Variants in SNRPD1 observed in about 807,000 individuals in gnomAD.
SNRPD1 encodes the protein small nuclear ribonucleoprotein D1 polypeptide, also known as small nuclear ribonucleoprotein Sm D1.
In SNRPD1, 1 loss-of-function variant was observed where a neutral mutation model predicts 14.4. The observed-to-expected ratio is 0.07, with a 90% CI of 0.02 to 0.33. SNRPD1 has a LOEUF of 0.33. Among genes scored for constraint, SNRPD1 ranks in the 10% least tolerant of loss-of-function variants. The pLI, the probability that SNRPD1 is intolerant of heterozygous loss-of-function variation, is 1.00. For missense variants in SNRPD1, 52 were observed against 146.4 expected (o/e 0.36, Z 3.33); for synonymous variants, 42 against 50.3 (o/e 0.83, Z 0.70).
chr18:21,626,520 G>A (rs2039040477), intron 3 of SNRPD1, among the ~76,000 whole-genome samples: 2 of 152,030 alleles, frequency 1.3e-5, no homozygotes, highest in African/African-American at 4.8e-5. Context: ...GCCAGGTGTG[G>A]TGGCTCACGC....
chr18:21,622,895 T>G, intron 2 of SNRPD1, 94 bp downstream of exon 2: 1 of 598,356 alleles, frequency 1.7e-6, no homozygotes, highest in Non-Finnish European at 3.0e-6. Flanking sequence ...ATTATTGTAG[T>G]ACAAATCCTT....
rs2039096701 is a variant in SNRPD1, at chr18:21,633,012, G to A, written c.*3874G>A. 2 of 151,922 alleles carry A rather than the reference G, an allele frequency of 1.3e-5. No homozygotes were observed. Among genetic ancestry groups the A allele is most frequent in the African/African-American group, 4.8e-5 (2 of 41,350 alleles). The allele number at this position is 151,922 out of a possible 1,614,324, so 9.4% of individuals were successfully genotyped here. A position where few individuals can be genotyped will look rare whatever the true frequency, so the allele number is the denominator to read the frequency against. ...ACTACAGGTGCCCACCACTATGCCC[G>A]GCTAATGTTTTGTACTTTTAGTAGA... On this transcript the variant is annotated 3_prime_UTR_variant, in exon 4 of 4. Transcript: ENST00000300413.
chr18:21,616,652 G>A (rs901616989), intron 1 of SNRPD1, among the ~76,000 whole-genome samples: 24 of 146,420 alleles, frequency 1.6e-4, no homozygotes, highest in African/African-American at 5.6e-4. Context: ...CACCATGCCT[G>A]ACTGATCGAT....
chr18:21,628,276 A>C (rs1005571936), intron 3 of SNRPD1, among the ~76,000 whole-genome samples: 3 of 152,148 alleles, frequency 2.0e-5, no homozygotes, highest in African/African-American at 7.2e-5. Context: ...GCTACTCAGG[A>C]GGCTTAGATG....
chr18:21,622,603 T>TGATAGGAATTGATGCA (rs1297760958), intron 1 of SNRPD1, 122 bp from the exon 2 acceptor site: 3 of 602,066 alleles, frequency 5.0e-6, no homozygotes, highest in Non-Finnish European at 9.1e-6. Flanking sequence ...TGCAGATTAT[T>TGATAGGAATTGATGCA]GATAGGAATT....
intron 1 of SNRPD1, among the ~76,000 whole-genome samples, chr18:21,621,839 AG>A (rs2039000544): frequency 6.6e-6 from 1 of 152,152 alleles, no homozygotes; most frequent in Non-Finnish European, 1.5e-5. Flanking sequence ...GGCCTCCCAA[AG>A]TGCTGGGATT....
rs972236297 is a variant in SNRPD1, at chr18:21,631,996, G to A, written c.*2858G>A. 13 of 152,170 alleles carry A rather than the reference G, an allele frequency of 8.5e-5. No homozygotes were observed. Among genetic ancestry groups the A allele is most frequent in the African/African-American group, 2.7e-4 (11 of 41,418 alleles). The allele number at this position is 152,170 out of a possible 1,614,324, so 9.4% of individuals were successfully genotyped here. A position where few individuals can be genotyped will look rare whatever the true frequency, so the allele number is the denominator to read the frequency against. On this transcript the variant is annotated 3_prime_UTR_variant, in exon 4 of 4. Transcript: ENST00000300413. Reference sequence around the variant, plus strand: ...ATAAAAATTGGAGCTTAGTGCCGTGGTGCACACTTGTAGTCCCTGCTACTG... The same window carrying A: ...ATAAAAATTGGAGCTTAGTGCCGTGATGCACACTTGTAGTCCCTGCTACTG...
rs748864232 is a variant in SNRPD1 at position 21,625,315 on chromosome 18, A to ATTTTTTTTTTTTT, written c.283+1376_283+1377insTTTTTTTTTTTTT. 6.1e-3 allele frequency among the ~76,000 whole-genome samples: 595 copies of ATTTTTTTTTTTTT among 97,912 alleles called. 19 individuals carry two copies. Among genetic ancestry groups the ATTTTTTTTTTTTT allele is most frequent in the Middle Eastern group, 0.025 (4 of 160 alleles). The allele number at this position is 97,912 out of a possible 152,430, so 64.2% of individuals were successfully genotyped here. The stretch of plus-strand genomic sequence containing the variant: ...TTCTATTTAAAATTTTGTTGAAAAA[A>ATTTTTTTTTTTTT]ATTTTTTTTTTTTTTTTTGAGATGG... On this transcript the variant is annotated intron_variant, in intron 3 of 3. Coordinates refer to ENST00000300413, the MANE Select transcript of SNRPD1 (RefSeq NM_006938.4).
At chr18:21,615,979 G>A (rs1043587249) in intron 1 of SNRPD1, among the ~76,000 whole-genome samples, 1 of 151,910 alleles carries the variant, frequency 6.6e-6, no homozygotes, top group South Asian at 2.1e-4. Context: ...GGTTTAGTCG[G>A]TTTTTTGCTT....
intron 1 of SNRPD1, among the ~76,000 whole-genome samples, chr18:21,622,387 G>A (rs943538193): frequency 9.2e-5 from 14 of 152,044 alleles, no homozygotes; most frequent in South Asian, 4.1e-4. Context: ...TGATCCGCCC[G>A]CCTTGGCCTC....
intron 3 of SNRPD1, among the ~76,000 whole-genome samples, chr18:21,627,315 A>G (rs572191400): frequency 7.9e-5 from 12 of 151,080 alleles, no homozygotes; most frequent in South Asian, 4.3e-4. Context: ...GGGTCTCCCT[A>G]TGTTGTCCAG....
chr18:21,623,663 T>G (rs2039014694), intron 2 of SNRPD1, 85 bp from the exon 3 acceptor site: 1 of 937,872 alleles, frequency 1.1e-6, no homozygotes, highest in Non-Finnish European at 1.7e-6. Context: ...TCTTTTGTAG[T>G]CCAGTATTTA....
intron 1 of SNRPD1, among the ~76,000 whole-genome samples, chr18:21,615,747 C>T (rs1264001845): frequency 1.3e-5 from 2 of 152,144 alleles, no homozygotes; most frequent in Non-Finnish European, 2.9e-5. Context: ...AACAAATTTT[C>T]GTGGGTAAAT....
intron 1 of SNRPD1, among the ~76,000 whole-genome samples, chr18:21,616,054 T>C (rs1456804748): frequency 1.3e-5 from 2 of 152,124 alleles, no homozygotes; most frequent in African/African-American, 4.8e-5. Flanking sequence ...GGCATGATCT[T>C]GGTTCACTGC....
chr18:21,622,361 C>T (rs1177580463), intron 1 of SNRPD1, among the ~76,000 whole-genome samples: 2 of 152,002 alleles, frequency 1.3e-5, no homozygotes, highest in Admixed American at 6.6e-5. Context: ...AGGATGATCT[C>T]GATCTCCTGA....
chr18:21,626,705 G>A (rs968065061), intron 3 of SNRPD1, among the ~76,000 whole-genome samples: 5 of 150,574 alleles, frequency 3.3e-5, no homozygotes, highest in Admixed American at 2.7e-4. Context: ...GGAATTGCTC[G>A]AACCTGGGAG....
In SNRPD1 at chr18:21,630,109, G is replaced by A. The variant is rs967376941; in HGVS notation, c.*971G>A. 2.0e-5 allele frequency: 3 copies of A among 152,030 alleles called. No individual in the cohort carries two copies. The highest frequency in any genetic ancestry group is 7.2e-5 in the African/African-American group (3 of 41,386). 9.4% of individuals were successfully genotyped at this position (152,030 alleles called of 1,614,324 possible). ...TTTATGTTTTCCAAGTTATAACTTG[G>A]AGTTAATGGTCACTAGATTATCAGT... is the stretch of plus-strand genomic sequence containing the variant. On this transcript the variant is annotated 3_prime_UTR_variant, in exon 4 of 4. Coordinates refer to ENST00000300413, the MANE Select transcript of SNRPD1 (RefSeq NM_006938.4).
chr18:21,624,897 T>A (rs2039025136), intron 3 of SNRPD1, among the ~76,000 whole-genome samples: 1 of 152,090 alleles, frequency 6.6e-6, no homozygotes, highest in Non-Finnish European at 1.5e-5. Flanking sequence ...CTTTAAATCA[T>A]CTCTAGATTA....
At chr18:21,628,025 A>G (rs771993540) in intron 3 of SNRPD1, among the ~76,000 whole-genome samples, 2 of 152,134 alleles carry the variant, frequency 1.3e-5, no homozygotes, top group Non-Finnish European at 2.9e-5. Context: ...ATGTCCCTTA[A>G]TTAGCATCTT....
Sources: gnomAD v4.1 joint callset for allele counts (sites outside exome capture counted in the v4.1 genomes callset) on GRCh38, gnomAD v4.1.1 for gene constraint, MANE v1.5 for transcripts, NCBI Gene and HGNC (gene_info 2026-07-23, HGNC 2026-07-21) for gene names.